The following VPS13A variants were observed in gnomAD, a reference collection of about 807,000 sequenced individuals.
VPS13A encodes the protein intermembrane lipid transfer protein VPS13A.
VPS13A carries 264 observed loss-of-function variants against 390.9 expected under a neutral mutation model. The ratio of observed to expected loss-of-function variants is 0.68; its 90% confidence interval spans 0.61 to 0.75. The LOEUF (loss-of-function observed/expected upper bound fraction) is 0.75. Among genes scored for constraint, VPS13A ranks in the 30% least tolerant of loss-of-function variants. VPS13A has a pLI of 0.00. For missense variants in VPS13A, 3,409 were observed against 3,733.9 expected, an observed-to-expected ratio of 0.91 and a Z score of 2.27; for synonymous variants, 1,231 against 1,227.1, an observed-to-expected ratio of 1.00 and a Z score of -0.07.
At chr9:77,193,152 T>C (rs1245844938) in intron 1 of VPS13A, among the ~76,000 whole-genome samples, 2 of 152,224 alleles carry the variant, frequency 1.3e-5, no homozygotes, top group East Asian at 3.8e-4. Flanking sequence ...TCCAGTGATA[T>C]TGTGAAGTTC....
In VPS13A at chr9:77,267,236, A is replaced by G. The variant is rs1039572205; in HGVS notation, c.2428-6044A>G. Among the ~76,000 whole-genome samples the G allele has an allele frequency of 2.0e-5, 3 of 152,040 alleles. No individual in the cohort carries two copies. The South Asian group carries it at 6.2e-4, about 32-fold the overall frequency. On this transcript the variant is annotated intron_variant, in intron 23 of 71. Coordinates refer to ENST00000360280, the MANE Select transcript of VPS13A (RefSeq NM_033305.3). ...AAGGAGTTGTGATCCTTTGGAGGAG[A>G]AGAGGCATTCTGGTTTTTGGAATTT...
chr9:77,396,028 G>A (rs970667000), intron 68 of VPS13A, among the ~76,000 whole-genome samples: 12 of 152,110 alleles, frequency 7.9e-5, no homozygotes, highest in Non-Finnish European at 1.3e-4. Flanking sequence ...TGATGGACCC[G>A]TAAATGTTGA....
intron 43 of VPS13A, 56 bp from the exon 44 acceptor site, chr9:77,321,435 C>T (rs1829741455): frequency 6.2e-7 from 1 of 1,602,482 alleles, no homozygotes; most frequent in Non-Finnish European, 8.5e-7. Context: ...TTACTGTTCT[C>T]CTTGTCATTT....
chr9:77,311,132 C>T (rs935069651), intron 35 of VPS13A, among the ~76,000 whole-genome samples: 3 of 151,926 alleles, frequency 2.0e-5, no homozygotes, highest in Non-Finnish European at 1.5e-5. Context: ...CACTGTGTTA[C>T]CCAGGATGGT....
chr9:77,268,278 T>C (rs1467673436), intron 23 of VPS13A, among the ~76,000 whole-genome samples: 3 of 152,178 alleles, frequency 2.0e-5, no homozygotes, highest in African/African-American at 7.2e-5. Flanking sequence ...CCTGTTGGTG[T>C]AGGCACCCGA....
In VPS13A at chr9:77,339,484, A is replaced by ATTTTTTTTTTTTT. The variant is rs200451091; in HGVS notation, c.6379-28_6379-27insTTTTTTTTTTTTT. The ATTTTTTTTTTTTT allele has an allele frequency of 7.2e-6, 10 of 1,397,648 alleles. 1 individual carries two copies. Among genetic ancestry groups the ATTTTTTTTTTTTT allele is most frequent in the Admixed American group, 2.3e-5 (1 of 43,430 alleles). 86.6% of individuals were successfully genotyped at this position (1,397,648 alleles called of 1,614,324 possible). A position where few individuals can be genotyped will look rare whatever the true frequency, so the allele number is the denominator to read the frequency against. On this transcript the variant is annotated intron_variant, in intron 47 of 71. Transcript: ENST00000360280. Reference sequence around the variant, plus strand: ...GGCATATTATTCTGCAACATTTTAAATTTTGTTTTGTTTTTTTTTTTTTTA... The same window carrying ATTTTTTTTTTTTT: ...GGCATATTATTCTGCAACATTTTAAATTTTTTTTTTTTTTTTTGTTTTGTTTTTTTTTTTTTTA...
Position 77,302,933 on chromosome 9 carries a change from T to C in VPS13A, c.3831T>C (p.Asp1277=). 6.2e-7 allele frequency: 1 copy of C among 1,613,738 alleles called. No individual in the cohort carries two copies. Among genetic ancestry groups the C allele is most frequent in the Non-Finnish European group, 8.5e-7 (1 of 1,179,668 alleles). ...MRLYRSRFIN[D]AYQEVLDLLL... is the part of the protein sequence containing the mutation. ...CTTATAGATCTCGATTTATTAATGA[T>C]GCATACCAGGAAGTACTGGATCTAC... The change falls in exon 34 of 72, where the codon GAT becomes GAC. Residue 1277 remains aspartate, a synonymous_variant. Coordinates refer to ENST00000360280, the MANE Select transcript of VPS13A (RefSeq NM_033305.3).
intron 58 of VPS13A, among the ~76,000 whole-genome samples, chr9:77,359,725 C>T (rs759505769): frequency 3.4e-5 from 5 of 149,138 alleles, no homozygotes; most frequent in African/African-American, 9.9e-5. Context: ...GGCTGAGGCA[C>T]GAGAATCGCT....
intron 23 of VPS13A, among the ~76,000 whole-genome samples, chr9:77,269,146 C>T (rs1251869383): frequency 6.6e-6 from 1 of 151,766 alleles, no homozygotes; most frequent in Non-Finnish European, 1.5e-5. Flanking sequence ...GCAATTTTTG[C>T]CTAATTTAAG....
intron 5 of VPS13A, among the ~76,000 whole-genome samples, chr9:77,207,840 TC>T: frequency 6.6e-6 from 1 of 152,316 alleles, no homozygotes; most frequent in East Asian, 1.9e-4. Context: ...CCTGTGTCTT[TC>T]CAGGGTTCTG....
intron 34 of VPS13A, among the ~76,000 whole-genome samples, chr9:77,304,024 G>T (rs971768651): frequency 1.3e-5 from 2 of 152,028 alleles, no homozygotes; most frequent in Non-Finnish European, 2.9e-5. Context: ...ACTGGGGGAC[G>T]GTCAGGTCTT....
chr9:77,332,858 A>T (rs77529336), intron 46 of VPS13A, among the ~76,000 whole-genome samples: 1 of 152,206 alleles, frequency 6.6e-6, no homozygotes, highest in South Asian at 2.1e-4. Flanking sequence ...AGAAGGACAG[A>T]GGCAAAACTG....
At chr9:77,184,328 G>C (rs1038372395) in intron 1 of VPS13A, among the ~76,000 whole-genome samples, 51 of 152,078 alleles carry the variant, frequency 3.4e-4, no homozygotes, top group African/African-American at 1.2e-3. Context: ...TTTCCTTCAA[G>C]AATGTTGGAG....
chr9:77,274,992 A>G (rs1250014783), intron 24 of VPS13A, among the ~76,000 whole-genome samples: 2 of 152,212 alleles, frequency 1.3e-5, no homozygotes, highest in East Asian at 3.8e-4. Context: ...ACGTATATGT[A>G]CATATACCTA....
In VPS13A at chr9:77,420,994, G is replaced by A. The variant is rs1835322259; in HGVS notation, c.*4988G>A. 6.6e-6 allele frequency: 1 copy of A among 152,142 alleles called. No homozygotes were observed. The highest frequency in any genetic ancestry group is 1.5e-5 in the Non-Finnish European group (1 of 68,016). The allele number at this position is 152,142 out of a possible 1,614,324, so 9.4% of individuals were successfully genotyped here. On this transcript the variant is annotated 3_prime_UTR_variant, in exon 72 of 72. Coordinates refer to ENST00000360280, the MANE Select transcript of VPS13A (RefSeq NM_033305.3). ...AATGGTATCTGGAACTTGTTACAAG[G>A]TCAGATAAACTGTTACAGAATTTTA... is the stretch of plus-strand genomic sequence containing the variant.
chr9:77,199,383 A>G (rs1263743885), intron 1 of VPS13A, among the ~76,000 whole-genome samples: 1 of 152,204 alleles, frequency 6.6e-6, no homozygotes, highest in Non-Finnish European at 1.5e-5. Context: ...CGATGGGGTT[A>G]CATGTAACAT....
Position 77,177,648 on chromosome 9 carries a change from A to G in VPS13A, c.-57A>G, listed in dbSNP as rs2131029667. On this transcript the variant is annotated 5_prime_UTR_variant, in exon 1 of 72. Coordinates refer to ENST00000360280, the MANE Select transcript of VPS13A (RefSeq NM_033305.3). The stretch of plus-strand genomic sequence containing the variant: ...TTACCTCGAGGGAGGGGCGTGGGGA[A>G]GGCGGCGGGAGGAGGAGCGCACGGG... The G allele has an allele frequency of 2.0e-6, 3 of 1,507,266 alleles. No homozygotes were observed. In the East Asian group the frequency reaches 6.8e-5, roughly 34 times the overall value. The allele number at this position is 1,507,266 out of a possible 1,614,324, so 93.4% of individuals were successfully genotyped here. A position where few individuals can be genotyped will look rare whatever the true frequency, so the allele number is the denominator to read the frequency against.
In VPS13A at chr9:77,281,940, A is replaced by G. The variant is rs752812701; in HGVS notation, c.2964+14A>G. On this transcript the variant is annotated intron_variant, in intron 28 of 71. Coordinates refer to ENST00000360280, the MANE Select transcript of VPS13A (RefSeq NM_033305.3). ...CAATTGATTAAGGTATGAGTAGATA[A>G]TTTATTTTTTAATTATGTACTATTT... 2.0e-6 allele frequency: 3 copies of G among 1,505,940 alleles called. No individual in the cohort carries two copies. The highest frequency in any genetic ancestry group is 1.7e-5 in the Admixed American group (1 of 58,974). The allele number at this position is 1,505,940 out of a possible 1,614,324, so 93.3% of individuals were successfully genotyped here.
intron 67 of VPS13A, among the ~76,000 whole-genome samples, chr9:77,379,065 C>CTTTTTTTTTTTTTTTTTTTTTTTTTT (rs71503211): frequency 1.4e-5 from 1 of 72,364 alleles, no homozygotes. Context: ...ATTTTCAGTC[C>CTTTTTTTTTTTTTTTTTTTTTTTTTT]TTTTTTTTTT....
Sources: gnomAD v4.1 joint callset for allele counts (sites outside exome capture counted in the v4.1 genomes callset) on GRCh38, gnomAD v4.1.1 for gene constraint, MANE v1.5 for transcripts, NCBI Gene and HGNC (gene_info 2026-07-23, HGNC 2026-07-21) for gene names.